SAMSN1: variants seen among roughly 807,000 people sequenced by gnomAD.
SAMSN1 encodes SAM domain, SH3 domain and nuclear localization signals 1, also known as SAM domain-containing protein SAMSN-1.
A neutral mutation model predicts 42.0 loss-of-function variants in SAMSN1; 31 were observed. The observed-to-expected ratio is 0.74, with a 90% CI of 0.55 to 1.00. The LOEUF (loss-of-function observed/expected upper bound fraction) is 1.00, where lower values mean the gene tolerates loss of function less well. SAMSN1 is among the 50% of genes least tolerant of loss of function. The pLI, the probability that SAMSN1 is intolerant of heterozygous loss-of-function variation, is 0.00. For synonymous variants in SAMSN1, 178 were observed against 151.9 expected (o/e 1.17, Z -1.26); for missense variants, 464 against 439.4 (o/e 1.06, Z -0.50).
intron 3 of SAMSN1, 117 bp from the exon 4 acceptor site, chr21:14,512,690 G>A (rs1987741187): frequency 4.2e-6 from 4 of 942,892 alleles, no homozygotes; most frequent in East Asian, 4.9e-5. Flanking sequence ...GGATACATAA[G>A]GATAAAATAC....
chr21:14,587,773 T>G, upstream of SAMSN1, among the ~76,000 whole-genome samples: 1 of 151,934 alleles, frequency 6.6e-6, no homozygotes, highest in South Asian at 2.1e-4. Context: ...ATTTTTTAAA[T>G]TTTTTTTATT....
intron 1 of SAMSN1, among the ~76,000 whole-genome samples, chr21:14,651,567 C>T (rs1027284678): frequency 1.3e-5 from 2 of 151,964 alleles, no homozygotes; most frequent in African/African-American, 2.4e-5. Flanking sequence ...ACAATAGACC[C>T]ACAGCTAGTA....
chr21:14,529,520 A>T (rs1979101377), intron 1 of SAMSN1, among the ~76,000 whole-genome samples: 1 of 152,240 alleles, frequency 6.6e-6, no homozygotes, highest in African/African-American at 2.4e-5. Flanking sequence ...TGCATCATGT[A>T]ATTTAACATA....
intron 6 of SAMSN1, among the ~76,000 whole-genome samples, chr21:14,601,793 T>C (rs1425440396): frequency 2.0e-5 from 3 of 152,240 alleles, no homozygotes; most frequent in East Asian, 1.9e-4. Flanking sequence ...CTGTACAACA[T>C]GATGTTTTGC....
upstream of SAMSN1, among the ~76,000 whole-genome samples, chr21:14,550,806 G>A (rs546932717): frequency 3.9e-5 from 6 of 152,204 alleles, no homozygotes; most frequent in South Asian, 2.1e-4. Context: ...AAGGAAAAGA[G>A]AGCTTAGTGA....
intron 7 of SAMSN1, among the ~76,000 whole-genome samples, chr21:14,498,122 C>A (rs921051255): frequency 6.6e-6 from 1 of 152,174 alleles, no homozygotes; most frequent in Non-Finnish European, 1.5e-5. Context: ...TATGCTGTTA[C>A]TAAATACTTG....
chr21:14,579,188 C>A (rs1000255471), intron 2 of SAMSN1, among the ~76,000 whole-genome samples: 5 of 152,160 alleles, frequency 3.3e-5, no homozygotes, highest in African/African-American at 1.2e-4. Flanking sequence ...GTTTACCAAA[C>A]CAATTTAACT....
intron 6 of SAMSN1, among the ~76,000 whole-genome samples, chr21:14,600,545 CAATTTT>C (rs1029894454): frequency 6.6e-6 from 1 of 152,150 alleles, no homozygotes; most frequent in African/African-American, 2.4e-5. Context: ...ATTTCTTGCC[CAATTTT>C]AACCTTCAGA....
At chr21:14,649,821 A>G (rs955543426) in intron 1 of SAMSN1, among the ~76,000 whole-genome samples, 1 of 151,886 alleles carries the variant, frequency 6.6e-6, no homozygotes, top group Non-Finnish European at 1.5e-5. Flanking sequence ...ACACACAGAA[A>G]GAGAGAAAAT....
At chr21:14,597,906 T>G (rs1268595718) in intron 6 of SAMSN1, 2 of 152,142 alleles carry the variant, frequency 1.3e-5, no homozygotes, top group Non-Finnish European at 2.9e-5. Flanking sequence ...GACTCTGCCT[T>G]ATTTTTTTTA....
At chr21:14,583,515 A>G (rs372214804), upstream of SAMSN1, 69 of 592,416 alleles carry the variant, frequency 1.2e-4, 6 homozygotes, top group Admixed American at 9.2e-4. Context: ...TCTGTTTTAA[A>G]ATAACTTGGC....
intron 6 of SAMSN1, among the ~76,000 whole-genome samples, chr21:14,600,447 C>A (rs1424294398): frequency 6.6e-6 from 1 of 152,128 alleles, no homozygotes; most frequent in African/African-American, 2.4e-5. Context: ...TTAGATGGCT[C>A]CTGCTTGTCT....
At chr21:14,638,361 C>T (rs949073765) in intron 2 of SAMSN1, among the ~76,000 whole-genome samples, 1 of 152,106 alleles carries the variant, frequency 6.6e-6, no homozygotes, top group Non-Finnish European at 1.5e-5. Flanking sequence ...ATATTTTACA[C>T]TTATTGTCCA....
chr21:14,504,333 C>T lies in SAMSN1; in HGVS notation c.562-3598G>A, dbSNP rs117715919. 4.4e-3 allele frequency among the ~76,000 whole-genome samples: 671 copies of T among 152,064 alleles called. 1 individual carries two copies. The highest frequency in any genetic ancestry group is 7.9e-3 in the Non-Finnish European group (537 of 68,006). On this transcript the variant is annotated intron_variant, in intron 5 of 7. Coordinates refer to ENST00000400566, the MANE Select transcript of SAMSN1 (RefSeq NM_022136.5). ...GGAGGCACCAGAGAAAGGTGAAGCG[C>T]AAGGTAAGGAAATCCAAAAAACGAT...
intron 2 of SAMSN1, chr21:14,582,039 G>C: frequency 4.2e-6 from 5 of 1,197,952 alleles, no homozygotes; most frequent in Non-Finnish European, 5.6e-6. Flanking sequence ...TTCTGAAACT[G>C]ATAAATTTCA....
chr21:14,619,289 G>A (rs1487824133), intron 2 of SAMSN1, among the ~76,000 whole-genome samples: 1 of 152,190 alleles, frequency 6.6e-6, no homozygotes, highest in Non-Finnish European at 1.5e-5. Context: ...AATATGTCAG[G>A]AGTTGTTGTT....
intron 2 of SAMSN1, among the ~76,000 whole-genome samples, chr21:14,622,855 A>C (rs2123346006): frequency 6.6e-6 from 1 of 152,342 alleles, no homozygotes; most frequent in Non-Finnish European, 1.5e-5. Flanking sequence ...AAAAAATGTT[A>C]AGGGCAGCCA....
chr21:14,516,175 A>G (rs1041625837), intron 3 of SAMSN1, among the ~76,000 whole-genome samples: 1 of 152,230 alleles, frequency 6.6e-6, no homozygotes, highest in African/African-American at 2.4e-5. Context: ...AAAATTGAAC[A>G]GAAGTATCTG....
At chr21:14,596,049 C>T (rs1205225036) in intron 6 of SAMSN1, among the ~76,000 whole-genome samples, 1 of 152,126 alleles carries the variant, frequency 6.6e-6, no homozygotes, top group African/African-American at 2.4e-5. Flanking sequence ...TTGTTAGAAT[C>T]AAGTATTTCC....
Sources: gnomAD v4.1 joint callset for allele counts (sites outside exome capture counted in the v4.1 genomes callset) on GRCh38, gnomAD v4.1.1 for gene constraint, MANE v1.5 for transcripts, NCBI Gene and HGNC (gene_info 2026-07-23, HGNC 2026-07-21) for gene names.